The following DTD1 variants were observed in gnomAD, a reference collection of about 807,000 sequenced individuals.
DTD1 encodes the protein D-tyrosyl-tRNA deacylase 1 homolog.
A neutral mutation model predicts 25.6 loss-of-function variants in DTD1; 13 were observed. The observed-to-expected ratio is 0.51, with a 90% CI of 0.33 to 0.81. The LOEUF is 0.81. Ranked by LOEUF, DTD1 falls within the 30% of genes least tolerant of loss-of-function variation. The pLI is 0.02. For missense variants in DTD1, 193 were observed against 266.4 expected (o/e 0.72, Z 1.92); for synonymous variants, 110 against 103.6 (o/e 1.06, Z -0.37).
chr20:18,634,858 T>C (rs1398617461), intron 4 of DTD1, among the ~76,000 whole-genome samples: 1 of 152,220 alleles, frequency 6.6e-6, no homozygotes, highest in African/African-American at 2.4e-5. Flanking sequence ...GGCTTGCTTC[T>C]ACCAGGTGGC....
chr20:18,703,728 G>GT (rs11378992), intron 4 of DTD1, among the ~76,000 whole-genome samples: 28,537 of 112,952 alleles, frequency 0.25, 4,125 homozygotes, highest in African/African-American at 0.45. Flanking sequence ...ATAGTATTCA[G>GT]TTTTTTTTTT....
rs571108334 is a variant in DTD1, at chr20:18,694,063, C to T, written c.478-50037C>T. Among the ~76,000 whole-genome samples the T allele has an allele frequency of 4.6e-5, 7 of 152,108 alleles. No homozygotes were observed. In the East Asian group the frequency reaches 1.2e-3, roughly 25 times the overall value. ...AGGTTCTACCTGACAGCACCATGGT[C>T]GACCTTTCTGGAATGAGCTTGTTTA... On this transcript the variant is annotated intron_variant, in intron 4 of 5. Coordinates refer to ENST00000377452, the MANE Select transcript of DTD1 (RefSeq NM_080820.6).
rs548428856 is a variant in DTD1, at chr20:18,747,305, A to G, written c.*19+3034A>G. On this transcript the variant is annotated intron_variant, in intron 5 of 5. Coordinates refer to ENST00000377452, the MANE Select transcript of DTD1 (RefSeq NM_080820.6). ...TATGGTTTTTCTTCTATTGGAGGAAAACTCATCTCCGTCAGCAGTGCTTTG... is the reference window on the plus strand; with the variant it reads ...TATGGTTTTTCTTCTATTGGAGGAAGACTCATCTCCGTCAGCAGTGCTTTG... 5.9e-5 allele frequency among the ~76,000 whole-genome samples: 9 copies of G among 152,206 alleles called. No individual in the cohort carries two copies. The East Asian group carries it at 1.5e-3, about 26-fold the overall frequency.
At chr20:18,743,459 C>T (rs1420642309) in intron 4 of DTD1, among the ~76,000 whole-genome samples, 4 of 151,750 alleles carry the variant, frequency 2.6e-5, no homozygotes, top group African/African-American at 4.8e-5. Context: ...TTTGGGAGGC[C>T]GAGGTGGGTG....
intron 5 of DTD1, among the ~76,000 whole-genome samples, chr20:18,748,290 A>G (rs2061308635): frequency 6.6e-6 from 1 of 152,170 alleles, no homozygotes; most frequent in South Asian, 2.1e-4. Flanking sequence ...CCTGGGTTGT[A>G]TTATTAACCT....
At chr20:18,637,742 T>C (rs1308174781) in intron 4 of DTD1, among the ~76,000 whole-genome samples, 2 of 152,222 alleles carry the variant, frequency 1.3e-5, no homozygotes, top group East Asian at 3.8e-4. Context: ...TAAACACACA[T>C]GGGAAATTGT....
intron 3 of DTD1, among the ~76,000 whole-genome samples, chr20:18,605,822 C>T (rs1243888677): frequency 7.0e-6 from 1 of 143,812 alleles, no homozygotes; most frequent in Admixed American, 7.1e-5. Context: ...ACCATAAAAA[C>T]CCTAGAAGAA....
rs1319063341 is a variant in DTD1 at position 18,766,512 on chromosome 20, G to A, written c.*3172G>A. 1 of 152,068 alleles carries A rather than the reference G, an allele frequency of 6.6e-6. No individual in the cohort carries two copies. The highest frequency in any genetic ancestry group is 1.5e-5 in the Non-Finnish European group (1 of 68,058). 9.4% of individuals were successfully genotyped at this position (152,068 alleles called of 1,614,324 possible). Reference sequence around the variant, plus strand: ...TAATCCCAGCACTTTGGGAGGCCGAGGCGGGTGGATCACGAGGTCAGTAGA... The same window carrying A: ...TAATCCCAGCACTTTGGGAGGCCGAAGCGGGTGGATCACGAGGTCAGTAGA... On this transcript the variant is annotated 3_prime_UTR_variant, in exon 6 of 6. Coordinates refer to ENST00000377452, the MANE Select transcript of DTD1 (RefSeq NM_080820.6).
intron 5 of DTD1, among the ~76,000 whole-genome samples, chr20:18,760,031 T>G (rs1353859114): frequency 6.6e-6 from 1 of 152,258 alleles, no homozygotes; most frequent in South Asian, 2.1e-4. Context: ...TCGAATTGGC[T>G]ATTGAGGCTT....
intron 1 of DTD1, chr20:18,588,875 A>G: frequency 1.0e-6 from 1 of 985,256 alleles, no homozygotes; most frequent in Non-Finnish European, 1.2e-6. Context: ...TCGTTTTAAG[A>G]AAACCACGGT....
At chr20:18,743,673 CAAAAAAAAAAA>C (rs11474877) in intron 4 of DTD1, among the ~76,000 whole-genome samples, 36 of 105,090 alleles carry the variant, frequency 3.4e-4, no homozygotes, top group African/African-American at 1.3e-3. Context: ...GACCCTGTCT[CAAAAAAAAAAA>C]AAAAAAAAAG....
chr20:18,738,143 C>T (rs2061263847), intron 4 of DTD1, among the ~76,000 whole-genome samples: 3 of 152,176 alleles, frequency 2.0e-5, no homozygotes, highest in Admixed American at 2.0e-4. Context: ...TAGGTATAGT[C>T]AGTGCCCAAC....
intron 4 of DTD1, among the ~76,000 whole-genome samples, chr20:18,677,930 C>T (rs1350903869): frequency 2.0e-5 from 3 of 151,924 alleles, no homozygotes; most frequent in African/African-American, 7.2e-5. Context: ...TGATCTTAAA[C>T]ATGCTTGGTG....
intron 4 of DTD1, among the ~76,000 whole-genome samples, chr20:18,659,678 T>C (rs1317457076): frequency 2.0e-5 from 3 of 152,134 alleles, no homozygotes; most frequent in Admixed American, 2.0e-4. Context: ...CTGCATGTTC[T>C]CACTCATAAG....
intron 3 of DTD1, among the ~76,000 whole-genome samples, chr20:18,622,942 A>ATTTTTTTTTTTTTTTTTTTT (rs771564529): frequency 4.0e-4 from 52 of 129,764 alleles, no homozygotes; most frequent in Non-Finnish European, 4.6e-4. Flanking sequence ...ATTTTATAGA[A>ATTTTTTTTTTTTTTTTTTTT]TTTTTTTTTT....
At chr20:18,631,297 A>G in intron 4 of DTD1, 1 of 984,614 alleles carries the variant, frequency 1.0e-6, no homozygotes, top group Non-Finnish European at 1.2e-6. Context: ...ACAAATTTCA[A>G]GGTGGTGACA....
intron 4 of DTD1, among the ~76,000 whole-genome samples, chr20:18,639,453 T>C (rs1474575126): frequency 1.3e-5 from 2 of 152,160 alleles, no homozygotes; most frequent in Non-Finnish European, 2.9e-5. Context: ...TGTTTCCTGG[T>C]GTTCATTGAG....
intron 4 of DTD1, among the ~76,000 whole-genome samples, chr20:18,683,602 A>G (rs2061005478): frequency 1.3e-5 from 2 of 152,164 alleles, no homozygotes; most frequent in Admixed American, 1.3e-4. Context: ...CAGGTTGAAG[A>G]CACTTCCAAA....
intron 3 of DTD1, among the ~76,000 whole-genome samples, chr20:18,622,820 GCTTCCTTGGCTGTTGC>G (rs2060740187): frequency 6.6e-6 from 1 of 152,132 alleles, no homozygotes; most frequent in Non-Finnish European, 1.5e-5. Flanking sequence ...CTTTGGGCCG[GCTTCCTTGGCTGTTGC>G]CAAGGAAGTT....
Sources: gnomAD v4.1 joint callset for allele counts (sites outside exome capture counted in the v4.1 genomes callset) on GRCh38, gnomAD v4.1.1 for gene constraint, MANE v1.5 for transcripts, NCBI Gene and HGNC (gene_info 2026-07-23, HGNC 2026-07-21) for gene names.